HEYL: variants seen among roughly 807,000 people sequenced by gnomAD.
HEYL encodes the protein hes related family bHLH transcription factor with YRPW motif like.
Under a neutral mutation model 18.6 loss-of-function variants are expected in HEYL, and 12 were observed. The observed-to-expected ratio is 0.65, with a 90% CI of 0.41 to 1.05. The LOEUF is 1.05. Among genes scored for constraint, HEYL ranks in the 50% least tolerant of loss-of-function variants. HEYL has a pLI of 0.00. For synonymous variants in HEYL, 159 were observed against 179.6 expected (o/e 0.89, Z 0.91); for missense variants, 420 against 444.7 (o/e 0.94, Z 0.50).
At chr1:39,630,468 C>A (rs556563945) in intron 3 of HEYL, among the ~76,000 whole-genome samples, 160 bp from the exon 4 acceptor site, 4 of 152,316 alleles carry the variant, frequency 2.6e-5, no homozygotes, top group South Asian at 2.1e-4. Context: ...CTAGAACATT[C>A]TTTTCAGTTC....
intron 4 of HEYL, among the ~76,000 whole-genome samples, chr1:39,627,539 G>A (rs1646307919): frequency 6.6e-6 from 1 of 152,256 alleles, no homozygotes; most frequent in Admixed American, 6.5e-5. Flanking sequence ...ACTTGGAGGT[G>A]TAGAACAACT....
chr1:39,636,905 A>C (rs1007051652), intron 1 of HEYL, among the ~76,000 whole-genome samples: 4 of 152,206 alleles, frequency 2.6e-5, no homozygotes, highest in Non-Finnish European at 5.9e-5. Flanking sequence ...CGTTTATTGG[A>C]AGTTACTTTG....
chr1:39,630,330 G>A lies in HEYL; in HGVS notation c.232-22C>T, dbSNP rs142409018. On this transcript the variant is annotated intron_variant, in intron 3 of 4. Coordinates refer to ENST00000372852, the MANE Select transcript of HEYL (RefSeq NM_014571.4). ...AGCCCTGCGGGTACAGAAGACAGAA[G>A]GGTGGAGCCTGCAGCTGACCATGTA... The A allele has an allele frequency of 2.3e-4, 364 of 1,594,020 alleles. 3 individuals are homozygous for A. In the East Asian group the frequency reaches 8.0e-3, roughly 35 times the overall value.
Position 39,626,502 on chromosome 1 carries a change from G to A in HEYL, c.*5C>T, listed in dbSNP as rs1433961695. 34 of 1,508,456 alleles carry A rather than the reference G, an allele frequency of 2.3e-5. No homozygotes were observed. The highest frequency in any genetic ancestry group is 2.9e-5 in the Non-Finnish European group (33 of 1,130,356). 93.4% of individuals were successfully genotyped at this position (1,508,456 alleles called of 1,614,324 possible). A position where few individuals can be genotyped will look rare whatever the true frequency, so the allele number is the denominator to read the frequency against. ...TTCCTTGGGGCGGGGTGGTGAAGGG[G>A]CAGCTCAGAAAGCCCCGATTTCAGT... On this transcript the variant is annotated 3_prime_UTR_variant, in exon 5 of 5. Transcript: ENST00000372852.
rs375464241 is a variant in HEYL at position 39,626,965 on chromosome 1, A to C, written c.529T>G (p.Trp177Gly). 6.2e-7 allele frequency: 1 copy of C among 1,614,018 alleles called. No individual in the cohort carries two copies. The highest frequency in any genetic ancestry group is 1.3e-5 in the African/African-American group (1 of 74,932). ...TGPLAFPAWP[W>G]SFFHSCPGLP... Reference sequence around the variant, plus strand: ...CCTGGACAGCTATGGAAGAAAGACCAGGGCCAGGCAGGGAAGGCCAAAGGG... The same window carrying C: ...CCTGGACAGCTATGGAAGAAAGACCCGGGCCAGGCAGGGAAGGCCAAAGGG... The change falls in exon 5 of 5, where the codon TGG becomes GGG. Residue 177 changes from tryptophan (W) to glycine (G), a missense_variant. Trp to Gly is a radical substitution (Grantham distance 184). Coordinates refer to ENST00000372852, the MANE Select transcript of HEYL (RefSeq NM_014571.4).
In HEYL at chr1:39,626,440, G is replaced by A. The variant is rs531270507; in HGVS notation, c.*67C>T. 4.4e-6 allele frequency: 6 copies of A among 1,367,266 alleles called. No homozygotes were observed. In the South Asian group the frequency reaches 9.2e-5, roughly 21 times the overall value. The allele number at this position is 1,367,266 out of a possible 1,614,324, so 84.7% of individuals were successfully genotyped here. On this transcript the variant is annotated 3_prime_UTR_variant, in exon 5 of 5. Transcript: ENST00000372852. ...CATGAAGCAAAGCAGAAAAGGCAGTGCCCTTTTTTGGGCTCCTGGTAAAAG... is the reference window on the plus strand; with the variant it reads ...CATGAAGCAAAGCAGAAAAGGCAGTACCCTTTTTTGGGCTCCTGGTAAAAG...
At position 39,626,613 on chromosome 1, in the gene HEYL, G is replaced by A. The variant is rs1178710132; in HGVS notation, c.881C>T (p.Ala294Val). 7.7e-6 allele frequency: 12 copies of A among 1,552,726 alleles called. No homozygotes were observed. Among genetic ancestry groups the A allele is most frequent in the Non-Finnish European group, 9.6e-6 (11 of 1,150,744 alleles). Residue 294 changes from alanine to valine, a missense_variant, in exon 5 of 5, where the codon GCT (alanine) becomes GTT (valine). Coordinates refer to ENST00000372852, the MANE Select transcript of HEYL (RefSeq NM_014571.4). ...GGAGGATGAGTTGGGGGTGGGAACAGCCACGTAAGCAGCCGACCCTGTAGG... is the reference window on the plus strand; with the variant it reads ...GGAGGATGAGTTGGGGGTGGGAACAACCACGTAAGCAGCCGACCCTGTAGG... ...PGPTGSAAYVAVPTPNSSSPG... is the reference protein window; with the variant it reads ...PGPTGSAAYVVVPTPNSSSPG...
intron 1 of HEYL, among the ~76,000 whole-genome samples, chr1:39,635,177 C>T (rs1284017013): frequency 6.6e-6 from 1 of 152,194 alleles, no homozygotes; most frequent in Non-Finnish European, 1.5e-5. Context: ...ACAAGCCGAC[C>T]TGGTAAGAGG....
Position 39,626,403 on chromosome 1 carries a change from T to G in HEYL, c.*104A>C. On this transcript the variant is annotated 3_prime_UTR_variant, in exon 5 of 5. Transcript: ENST00000372852. Reference sequence around the variant, plus strand: ...GATGGCTGGAGAACGTGCCTTCACATATGAGCCAGTCCATGAAGCAAAGCA... The same window carrying G: ...GATGGCTGGAGAACGTGCCTTCACAGATGAGCCAGTCCATGAAGCAAAGCA... 1 of 1,078,966 alleles carries G rather than the reference T, an allele frequency of 9.3e-7. No homozygotes were observed. The highest frequency in any genetic ancestry group is 1.3e-6 in the Non-Finnish European group (1 of 770,416). The allele number at this position is 1,078,966 out of a possible 1,614,324, so 66.8% of individuals were successfully genotyped here. A position where few individuals can be genotyped will look rare whatever the true frequency, so the allele number is the denominator to read the frequency against.
Position 39,626,158 on chromosome 1 carries a change from G to C in HEYL, c.*349C>G, listed in dbSNP as rs558220549. On this transcript the variant is annotated 3_prime_UTR_variant, in exon 5 of 5. Transcript: ENST00000372852. ...TGCCTTGGGTCCTGGTGCCCTGCAG[G>C]TTAAAGCTTTTTCCCAGACCCAAGG... is the stretch of plus-strand genomic sequence containing the variant. 6.3e-4 allele frequency: 138 copies of C among 219,548 alleles called. No homozygotes were observed. Among genetic ancestry groups the C allele is most frequent in the African/African-American group, 3.0e-3 (133 of 44,118 alleles). The allele number at this position is 219,548 out of a possible 1,614,324, so 13.6% of individuals were successfully genotyped here. A position where few individuals can be genotyped will look rare whatever the true frequency, so the allele number is the denominator to read the frequency against.
At chr1:39,637,397 C>T (rs1023452054) in intron 1 of HEYL, among the ~76,000 whole-genome samples, 5 of 152,198 alleles carry the variant, frequency 3.3e-5, no homozygotes, top group Non-Finnish European at 2.9e-5. Flanking sequence ...CTCCGTCCTG[C>T]GGCCTTTGTC....
rs11554176 is a variant in HEYL at position 39,624,380 on chromosome 1, G to A, written c.*2127C>T. 4 of 152,186 alleles carry A rather than the reference G, an allele frequency of 2.6e-5. No homozygotes were observed. The highest frequency in any genetic ancestry group is 9.7e-5 in the African/African-American group (4 of 41,410). 9.4% of individuals were successfully genotyped at this position (152,186 alleles called of 1,614,324 possible). ...TGGATCATTCCCATCTCATTTCAGTGGCATCACAGATTCTTTGGAGTTGCA... is the reference window on the plus strand; with the variant it reads ...TGGATCATTCCCATCTCATTTCAGTAGCATCACAGATTCTTTGGAGTTGCA... On this transcript the variant is annotated 3_prime_UTR_variant, in exon 5 of 5. Transcript: ENST00000372852.
At chr1:39,631,450 C>T (rs1231857653) in intron 3 of HEYL, 46 bp downstream of exon 3, 4 of 1,536,448 alleles carry the variant, frequency 2.6e-6, no homozygotes, top group Non-Finnish European at 3.6e-6. Flanking sequence ...ACCTTATCTG[C>T]CACCCACACA....
chr1:39,631,916 G>A (rs183465698), intron 2 of HEYL, among the ~76,000 whole-genome samples: 11 of 152,362 alleles, frequency 7.2e-5, no homozygotes, highest in Non-Finnish European at 1.2e-4. Flanking sequence ...GGCCCGTGCT[G>A]GGCCAGGAGG....
chr1:39,631,708 G>T, intron 2 of HEYL, 129 bp from the exon 3 acceptor site: 1 of 747,614 alleles, frequency 1.3e-6, no homozygotes, highest in Non-Finnish European at 2.3e-6. Flanking sequence ...CTTACTTTAT[G>T]GTGGAGAAAA....
In HEYL at chr1:39,630,401, C is replaced by T. The variant is rs146596770; in HGVS notation, c.232-93G>A. ...CTCACTGTCTCGATTTTCTCACCTTCCTCCCACTCCACTGCTGCCTGCAAA... is the reference window on the plus strand; with the variant it reads ...CTCACTGTCTCGATTTTCTCACCTTTCTCCCACTCCACTGCTGCCTGCAAA... On this transcript the variant is annotated intron_variant, in intron 3 of 4. Transcript: ENST00000372852. 4.4e-4 allele frequency: 422 copies of T among 966,178 alleles called. 3 individuals carry two copies. In the African/African-American group the frequency reaches 6.0e-3, roughly 14 times the overall value. The allele number at this position is 966,178 out of a possible 1,614,324, so 59.9% of individuals were successfully genotyped here.
Position 39,627,019 on chromosome 1 carries a change from C to T in HEYL, c.475G>A (p.Glu159Lys), listed in dbSNP as rs757763641. ...LLSHLNSYAA[E>K]MEPSPTPTGP... ...GTGGGCGTGGGCGAAGGCTCCATCTCGGCTGCGTAGCTGTTGAGGTGGGAG... is the reference window on the plus strand; with the variant it reads ...GTGGGCGTGGGCGAAGGCTCCATCTTGGCTGCGTAGCTGTTGAGGTGGGAG... The change falls in exon 5 of 5, where the codon GAG (glutamate) becomes AAG (lysine). Residue 159 changes from glutamate to lysine, a missense_variant. By Grantham distance (56) the Glu-to-Lys change is moderately conservative. Coordinates refer to ENST00000372852, the MANE Select transcript of HEYL (RefSeq NM_014571.4). The T allele has an allele frequency of 1.8e-5, 29 of 1,614,156 alleles. No individual in the cohort carries two copies. The highest frequency in any genetic ancestry group is 3.3e-5 in the South Asian group (3 of 91,088).
At position 39,630,267 on chromosome 1, in the gene HEYL, C is replaced by T. The variant is rs776350380; in HGVS notation, c.273G>A (p.Thr91=). ...CATGGAGCATTTTCAAGTGATCCACCGTCATCTGCAAGACCTCGGCTTTCT... is the reference window on the plus strand; with the variant it reads ...CATGGAGCATTTTCAAGTGATCCACTGTCATCTGCAAGACCTCGGCTTTCT... ...KLEKAEVLQM[T]VDHLKMLHAT... The change falls in exon 4 of 5, where the codon ACG becomes ACA. Residue 91 remains threonine (T), a synonymous_variant. Coordinates refer to ENST00000372852, the MANE Select transcript of HEYL (RefSeq NM_014571.4). 25 of 1,613,944 alleles carry T rather than the reference C, an allele frequency of 1.5e-5. No individual in the cohort carries two copies. The highest frequency in any genetic ancestry group is 1.6e-4 in the Middle Eastern group (1 of 6,084).
Position 39,624,272 on chromosome 1 carries a change from C to T in HEYL, c.*2235G>A, listed in dbSNP as rs1012934569. The T allele has an allele frequency of 2.3e-4, 35 of 152,256 alleles. No individual in the cohort carries two copies. The highest frequency in any genetic ancestry group is 8.2e-4 in the African/African-American group (34 of 41,450). The allele number at this position is 152,256 out of a possible 1,614,324, so 9.4% of individuals were successfully genotyped here. The stretch of plus-strand genomic sequence containing the variant: ...AACACAAGATGCAAGTCCTTGACCA[C>T]AGAATCAGATCACACAGTCACCTTT... On this transcript the variant is annotated 3_prime_UTR_variant, in exon 5 of 5. Coordinates refer to ENST00000372852, the MANE Select transcript of HEYL (RefSeq NM_014571.4).
Sources: gnomAD v4.1 joint callset for allele counts (sites outside exome capture counted in the v4.1 genomes callset) on GRCh38, gnomAD v4.1.1 for gene constraint, MANE v1.5 for transcripts, NCBI Gene and HGNC (gene_info 2026-07-23, HGNC 2026-07-21) for gene names.